CALN1: variants seen among roughly 807,000 people sequenced by gnomAD.
CALN1 encodes the protein calneuron 1.
Under a neutral mutation model 30.6 loss-of-function variants are expected in CALN1, and 17 were observed. The observed-to-expected ratio is 0.56, with a 90% CI of 0.38 to 0.83. The LOEUF (loss-of-function observed/expected upper bound fraction) is 0.83. CALN1 is among the 40% of genes least tolerant of loss of function. The pLI is 0.00. For missense variants in CALN1, 291 were observed against 354.9 expected, an observed-to-expected ratio of 0.82 and a Z score of 1.45; for synonymous variants, 156 against 131.4, an observed-to-expected ratio of 1.19 and a Z score of -1.28.
chr7:71,870,870 T>C (rs1002258459), intron 5 of CALN1, among the ~76,000 whole-genome samples: 1 of 152,180 alleles, frequency 6.6e-6, no homozygotes, highest in Admixed American at 6.6e-5. Context: ...GAGAAAAGAC[T>C]GCTGAGCACT....
intron 3 of CALN1, among the ~76,000 whole-genome samples, chr7:72,266,240 T>C (rs1436619720): frequency 6.6e-6 from 1 of 152,182 alleles, no homozygotes; most frequent in Non-Finnish European, 1.5e-5. Context: ...CATGATAGCT[T>C]ACTATTACTA....
intron 2 of CALN1, among the ~76,000 whole-genome samples, chr7:72,390,097 C>A (rs1432884429): frequency 1.7e-4 from 26 of 151,920 alleles, no homozygotes; most frequent in Admixed American, 1.7e-3. Context: ...GACCTTTGCC[C>A]TGGGAAGACC....
At chr7:72,045,966 T>C (rs1240033156) in intron 4 of CALN1, among the ~76,000 whole-genome samples, 5 of 130,984 alleles carry the variant, frequency 3.8e-5, no homozygotes, top group African/African-American at 1.5e-4. Context: ...GCCATTGCAC[T>C]CCAGCCTGGG....
intron 3 of CALN1, among the ~76,000 whole-genome samples, chr7:72,165,333 C>A (rs540827047): frequency 6.6e-6 from 1 of 152,168 alleles, no homozygotes; most frequent in Non-Finnish European, 1.5e-5. Flanking sequence ...CCGAGGCGGG[C>A]AGATCAAGTT....
At chr7:72,282,099 T>C (rs1167867169) in intron 2 of CALN1, among the ~76,000 whole-genome samples, 1 of 152,174 alleles carries the variant, frequency 6.6e-6, no homozygotes, top group African/African-American at 2.4e-5. Context: ...TTATCCTAAG[T>C]AAGCTAAAAA....
intron 3 of CALN1, among the ~76,000 whole-genome samples, chr7:72,113,849 T>A (rs1807750153): frequency 6.6e-6 from 1 of 152,078 alleles, no homozygotes; most frequent in African/African-American, 2.4e-5. Flanking sequence ...AAATATATAT[T>A]TTTTAAGGGT....
intron 5 of CALN1, among the ~76,000 whole-genome samples, chr7:71,994,524 A>C (rs1323770641): frequency 2.0e-5 from 3 of 151,898 alleles, no homozygotes; most frequent in South Asian, 4.1e-4. Flanking sequence ...AAAAAAAAAA[A>C]AAAAAAAAAC....
At chr7:72,482,457 T>C in the CALN1 span, among the ~76,000 whole-genome samples, 2 of 152,158 alleles carry the variant, frequency 1.3e-5, no homozygotes, top group Non-Finnish European at 2.9e-5. Flanking sequence ...TGTTTCTAGC[T>C]TCTTTTGAAT....
intron 2 of CALN1, among the ~76,000 whole-genome samples, chr7:72,302,725 C>G (rs908266781): frequency 6.6e-6 from 1 of 151,836 alleles, no homozygotes; most frequent in African/African-American, 2.4e-5. Flanking sequence ...GAAACCCCGT[C>G]TCTACTAAAA....
intron 1 of CALN1, among the ~76,000 whole-genome samples, chr7:72,404,782 G>A (rs1472304720): frequency 2.0e-5 from 3 of 152,320 alleles, no homozygotes; most frequent in African/African-American, 7.2e-5. Flanking sequence ...GCAGGAAGAA[G>A]GCTTGAAGAG....
chr7:72,367,603 T>C (rs1242125304), intron 2 of CALN1, among the ~76,000 whole-genome samples: 1 of 148,608 alleles, frequency 6.7e-6, no homozygotes. Context: ...CCAGCCTGGA[T>C]GGCAGAGCAA....
intron 2 of CALN1, among the ~76,000 whole-genome samples, chr7:72,368,065 G>A (rs1315561944): frequency 2.6e-5 from 4 of 151,834 alleles, no homozygotes; most frequent in Non-Finnish European, 5.9e-5. Context: ...AGCTTGCAGT[G>A]AGCCGAGACT....
At chr7:72,236,007 G>A (rs1328634660) in intron 3 of CALN1, among the ~76,000 whole-genome samples, 1 of 151,204 alleles carries the variant, frequency 6.6e-6, no homozygotes, top group Non-Finnish European at 1.5e-5. Flanking sequence ...TCTTAGGGAG[G>A]CAGAGGAGGG....
At chr7:72,025,901 T>C (rs575537235) in intron 4 of CALN1, among the ~76,000 whole-genome samples, 2 of 152,152 alleles carry the variant, frequency 1.3e-5, no homozygotes, top group East Asian at 3.9e-4. Flanking sequence ...AGGAACAGAT[T>C]GTCCAGGAAC....
chr7:71,875,107 G>GT (rs1164878713), intron 5 of CALN1, among the ~76,000 whole-genome samples: 1 of 137,254 alleles, frequency 7.3e-6, no homozygotes, highest in Non-Finnish European at 1.5e-5. Context: ...AGTGGTTGCA[G>GT]TGAGTTGAGA....
intron 5 of CALN1, among the ~76,000 whole-genome samples, chr7:71,937,911 A>T (rs1167063628): frequency 6.6e-6 from 1 of 152,192 alleles, no homozygotes; most frequent in East Asian, 1.9e-4. Flanking sequence ...CACCAATCTG[A>T]CTGCCCTTTT....
chr7:72,075,812 G>A (rs1175336736), intron 4 of CALN1, among the ~76,000 whole-genome samples: 1 of 152,136 alleles, frequency 6.6e-6, no homozygotes, highest in Non-Finnish European at 1.5e-5. Flanking sequence ...TGGGAGGTTA[G>A]GTTTCAACAA....
At chr7:72,487,713 A>AAAAGAAAAGAAAG in the CALN1 span, among the ~76,000 whole-genome samples, 2 of 68,700 alleles carry the variant, frequency 2.9e-5, no homozygotes, top group Admixed American at 1.5e-4. Flanking sequence ...AAAAGAAAAG[A>AAAAGAAAAGAAAG]AAAGAAAGAA....
chr7:71,840,509 AAAG>A (rs1789876726), intron 5 of CALN1, among the ~76,000 whole-genome samples: 2 of 150,282 alleles, frequency 1.3e-5, no homozygotes, highest in Non-Finnish European at 3.0e-5. Context: ...AAAAAAAAAA[AAAG>A]AGAAAAAGAA....
Sources: gnomAD v4.1 joint callset for allele counts (sites outside exome capture counted in the v4.1 genomes callset) on GRCh38, gnomAD v4.1.1 for gene constraint, MANE v1.5 for transcripts, NCBI Gene and HGNC (gene_info 2026-07-23, HGNC 2026-07-21) for gene names.